The following LSM4 variants were observed in gnomAD, a reference collection of about 807,000 sequenced individuals.
LSM4 encodes the protein LSM4 homolog, U6 small nuclear RNA and mRNA degradation associated, also known as U6 snRNA-associated Sm-like protein LSm4.
A neutral mutation model predicts 22.3 loss-of-function variants in LSM4; 15 were observed. The observed-to-expected ratio is 0.67, with a 90% CI of 0.45 to 1.03. LSM4 has a LOEUF of 1.03. LSM4 is among the 50% of genes least tolerant of loss of function. LSM4 has a pLI of 0.00. For synonymous variants in LSM4, 90 were observed against 79.8 expected (o/e 1.13, Z -0.68); for missense variants, 127 against 198.0 (o/e 0.64, Z 2.15).
chr19:18,322,435 C>T (rs1204503070), intron 1 of LSM4, among the ~76,000 whole-genome samples: 1 of 152,062 alleles, frequency 6.6e-6, no homozygotes, highest in Non-Finnish European at 1.5e-5. Flanking sequence ...GTACTTTGTC[C>T]ACCCCTAGCT....
chr19:18,319,857 G>A (rs1371993530), intron 1 of LSM4, among the ~76,000 whole-genome samples: 1 of 152,148 alleles, frequency 6.6e-6, no homozygotes, highest in African/African-American at 2.4e-5. Flanking sequence ...TTTATTACCT[G>A]TGTCCCTCGC....
At chr19:18,318,613 C>T (rs1970386799) in intron 1 of LSM4, among the ~76,000 whole-genome samples, 1 of 152,236 alleles carries the variant, frequency 6.6e-6, no homozygotes, top group African/African-American at 2.4e-5. Flanking sequence ...TTTTCTTTCT[C>T]TAGTCCGTAA....
intron 4 of LSM4, among the ~76,000 whole-genome samples, chr19:18,307,761 G>A (rs78071268): frequency 0.019 from 2,728 of 146,522 alleles, 93 homozygotes; most frequent in African/African-American, 0.064. Flanking sequence ...CCTCATTATG[G>A]GACTAGACCC....
At chr19:18,321,429 T>C (rs543271792) in intron 1 of LSM4, among the ~76,000 whole-genome samples, 3 of 152,296 alleles carry the variant, frequency 2.0e-5, no homozygotes, top group South Asian at 2.1e-4. Flanking sequence ...ACCGACTCCA[T>C]TGTGCTTCTA....
At chr19:18,320,338 C>T (rs1970412524) in intron 1 of LSM4, among the ~76,000 whole-genome samples, 1 of 152,064 alleles carries the variant, frequency 6.6e-6, no homozygotes, top group African/African-American at 2.4e-5. Context: ...AAGATTCTGT[C>T]TCTACAAAAA....
intron 3 of LSM4, 122 bp downstream of exon 3, chr19:18,312,482 G>C: frequency 3.8e-6 from 3 of 782,944 alleles, no homozygotes; most frequent in Non-Finnish European, 4.4e-6. Flanking sequence ...CTGACCCCTG[G>C]AAGGACGAGC....
chr19:18,309,021 AC>A (rs1478354324), intron 4 of LSM4, among the ~76,000 whole-genome samples: 2 of 138,298 alleles, frequency 1.4e-5, no homozygotes, highest in African/African-American at 5.4e-5. Context: ...GGCCCCACCC[AC>A]CCTGAGATCC....
At chr19:18,311,746 C>T (rs537717055) in intron 3 of LSM4, among the ~76,000 whole-genome samples, 1 of 152,300 alleles carries the variant, frequency 6.6e-6, no homozygotes, top group African/African-American at 2.4e-5. Context: ...GCCTCACCAC[C>T]TGTCCCCACC....
intron 4 of LSM4, among the ~76,000 whole-genome samples, chr19:18,308,548 C>T (rs762126143): frequency 1.3e-4 from 20 of 152,230 alleles, no homozygotes; most frequent in Non-Finnish European, 4.4e-5. Flanking sequence ...CAGAGGCCAG[C>T]GCTGCAGGCA....
At chr19:18,319,785 CACCCTCTGCCTCATGGG>C in intron 1 of LSM4, among the ~76,000 whole-genome samples, 1 of 152,272 alleles carries the variant, frequency 6.6e-6, no homozygotes, top group Admixed American at 6.5e-5. Context: ...TTTTAATGGC[CACCCTCTGCCTCATGGG>C]TGTTTGTTTC....
intron 1 of LSM4, among the ~76,000 whole-genome samples, chr19:18,322,752 C>T (rs532192689): frequency 6.6e-5 from 10 of 152,170 alleles, no homozygotes; most frequent in Non-Finnish European, 1.3e-4. Context: ...TTCAGTTTCC[C>T]CACCTGCAAA....
At chr19:18,316,496 C>T (rs1204629447) in intron 1 of LSM4, among the ~76,000 whole-genome samples, 1 of 151,926 alleles carries the variant, frequency 6.6e-6, no homozygotes, top group Admixed American at 6.6e-5. Context: ...AACAGGCATG[C>T]GTCACCACAC....
At chr19:18,311,800 G>T (rs558967069) in intron 3 of LSM4, among the ~76,000 whole-genome samples, 7 of 152,288 alleles carry the variant, frequency 4.6e-5, no homozygotes, top group Admixed American at 1.3e-4. Context: ...CCGGGTGGGG[G>T]TGGCGGTCAG....
chr19:18,322,968 G>A, intron 1 of LSM4, 50 bp downstream of exon 1: 4 of 1,588,918 alleles, frequency 2.5e-6, no homozygotes, highest in Non-Finnish European at 3.4e-6. Context: ...GGATCCCAAC[G>A]ACTGCTGTTC....
intron 1 of LSM4, among the ~76,000 whole-genome samples, chr19:18,318,270 G>A (rs1360974764): frequency 6.6e-6 from 1 of 152,240 alleles, no homozygotes; most frequent in Non-Finnish European, 1.5e-5. Flanking sequence ...GCTCCCCAAT[G>A]AAAGGAAGGG....
chr19:18,320,435 GT>G (rs1970413613), intron 1 of LSM4, among the ~76,000 whole-genome samples: 1 of 151,998 alleles, frequency 6.6e-6, no homozygotes, highest in Non-Finnish European at 1.5e-5. Context: ...TCACGGGCCA[GT>G]GAGGTTGAGG....
chr19:18,319,882 C>CAA (rs1372239486), intron 1 of LSM4, among the ~76,000 whole-genome samples: 1 of 152,198 alleles, frequency 6.6e-6, no homozygotes, highest in Non-Finnish European at 1.5e-5. Flanking sequence ...CTGGAACACT[C>CAA]AAAGTGGGTG....
chr19:18,306,568 T>C lies in LSM4; in HGVS notation c.*896A>G, dbSNP rs7259046. On this transcript the variant is annotated 3_prime_UTR_variant, in exon 5 of 5. Coordinates refer to ENST00000593829, the MANE Select transcript of LSM4 (RefSeq NM_012321.5). Reference sequence around the variant, plus strand: ...GGACAGATGAGGATAGATGATGGAGTCCAGGCCACCCAGGAGGGGGTGATG... The same window carrying C: ...GGACAGATGAGGATAGATGATGGAGCCCAGGCCACCCAGGAGGGGGTGATG... The C allele has an allele frequency of 0.75, 114,871 of 152,244 alleles. 43,485 individuals are homozygous for C. Among genetic ancestry groups the C allele is most frequent in the South Asian group, 0.85 (4,074 of 4,816 alleles). The allele number at this position is 152,244 out of a possible 1,614,324, so 9.4% of individuals were successfully genotyped here.
At chr19:18,311,328 T>C (rs1359433814) in intron 3 of LSM4, among the ~76,000 whole-genome samples, 2 of 152,110 alleles carry the variant, frequency 1.3e-5, no homozygotes, top group Non-Finnish European at 2.9e-5. Context: ...CCCACTTAGA[T>C]GGGGACGATG....
Sources: allele counts gnomAD v4.1 joint callset (sites outside exome capture counted in the v4.1 genomes callset), GRCh38; gene constraint gnomAD v4.1.1; transcripts MANE v1.5; gene names NCBI Gene and HGNC (gene_info 2026-07-23, HGNC 2026-07-21).